Variants in FOXJ3 observed in about 807,000 individuals in gnomAD.
FOXJ3 encodes forkhead box protein J3.
A neutral mutation model predicts 76.1 loss-of-function variants in FOXJ3; 22 were observed. That is an observed-to-expected ratio of 0.29 (90% CI 0.21 to 0.41). The LOEUF is 0.41. Ranked by LOEUF, FOXJ3 falls within the 10% of genes least tolerant of loss-of-function variation. FOXJ3 has a pLI of 1.00. For synonymous variants in FOXJ3, 269 were observed against 261.2 expected, an observed-to-expected ratio of 1.03 and a Z score of -0.29; for missense variants, 613 against 762.1, an observed-to-expected ratio of 0.80 and a Z score of 2.30.
At chr1:42,184,580 G>A (rs900602989) in intron 11 of FOXJ3, among the ~76,000 whole-genome samples, 1 of 152,040 alleles carries the variant, frequency 6.6e-6, no homozygotes, top group Non-Finnish European at 1.5e-5. Flanking sequence ...ACTGCTCGAG[G>A]CACTATGGAT....
chr1:42,239,470 G>GA (rs1340365845), intron 4 of FOXJ3, among the ~76,000 whole-genome samples: 4 of 152,098 alleles, frequency 2.6e-5, no homozygotes, highest in Non-Finnish European at 5.9e-5. Flanking sequence ...GACATGGTAT[G>GA]ATTTTTTTTA....
chr1:42,227,091 TA>T (rs1358936424), intron 5 of FOXJ3, among the ~76,000 whole-genome samples: 1 of 152,184 alleles, frequency 6.6e-6, no homozygotes, highest in Admixed American at 6.5e-5. Flanking sequence ...GAGACAAATA[TA>T]AAAACAAATA....
At chr1:42,180,141 A>C (rs1646289020) in intron 12 of FOXJ3, among the ~76,000 whole-genome samples, 1 of 152,216 alleles carries the variant, frequency 6.6e-6, no homozygotes, top group South Asian at 2.1e-4. Flanking sequence ...CAATGTAGCC[A>C]CTGCTCTTAC....
At chr1:42,319,052 A>G (rs1342996162) in intron 1 of FOXJ3, among the ~76,000 whole-genome samples, 1 of 152,142 alleles carries the variant, frequency 6.6e-6, no homozygotes, top group Non-Finnish European at 1.5e-5. Context: ...GCAACATGGC[A>G]AGATCCCATC....
At chr1:42,309,306 G>A (rs560426120) in intron 2 of FOXJ3, among the ~76,000 whole-genome samples, 211 of 152,134 alleles carry the variant, frequency 1.4e-3, no homozygotes, top group African/African-American at 4.9e-3. Context: ...AACATACAAG[G>A]CAGCCTCCTG....
At chr1:42,192,576 T>C (rs1036795429) in intron 8 of FOXJ3, among the ~76,000 whole-genome samples, 4 of 152,212 alleles carry the variant, frequency 2.6e-5, no homozygotes, top group Admixed American at 2.0e-4. Context: ...GCTCTGTAAA[T>C]GTTAGCTGCC....
chr1:42,193,107 A>C (rs1339304675), intron 8 of FOXJ3, among the ~76,000 whole-genome samples: 2 of 152,180 alleles, frequency 1.3e-5, no homozygotes, highest in East Asian at 1.9e-4. Context: ...AAAGCAAAAT[A>C]TCTCTCCAGA....
intron 1 of FOXJ3, among the ~76,000 whole-genome samples, chr1:42,333,285 A>G (rs114818935): frequency 2.2e-3 from 330 of 152,336 alleles, no homozygotes; most frequent in Non-Finnish European, 3.9e-3. Context: ...AGAATGTACA[A>G]TGTGAAAAAG....
intron 3 of FOXJ3, among the ~76,000 whole-genome samples, chr1:42,270,158 T>G (rs552188091): frequency 6.6e-6 from 1 of 152,266 alleles, no homozygotes; most frequent in Admixed American, 6.5e-5. Context: ...GCCCCCAGCC[T>G]TACTCCATCT....
At position 42,299,507 on chromosome 1, in the gene FOXJ3, G is replaced by T. The variant is rs115209637; in HGVS notation, c.44+11543C>A. Reference sequence around the variant, plus strand: ...TAACTGTCTTTAACCAGTGTGTGTGGGGGGGTCTCTTGCTGGCAGCAGATG... The same window carrying T: ...TAACTGTCTTTAACCAGTGTGTGTGTGGGGGTCTCTTGCTGGCAGCAGATG... On this transcript the variant is annotated intron_variant, in intron 2 of 12. Coordinates refer to ENST00000361346, the MANE Select transcript of FOXJ3 (RefSeq NM_014947.5). 4.7e-3 allele frequency among the ~76,000 whole-genome samples: 705 copies of T among 150,530 alleles called. 2 individuals carry two copies. Among genetic ancestry groups the T allele is most frequent in the Admixed American group, 0.013 (201 of 15,134 alleles).
chr1:42,231,147 C>T (rs1265865018), intron 4 of FOXJ3, among the ~76,000 whole-genome samples: 1 of 101,012 alleles, frequency 9.9e-6, no homozygotes, highest in Non-Finnish European at 2.1e-5. Flanking sequence ...ACCCCCGTCT[C>T]TACTTAAAAA....
At chr1:42,326,325 T>G (rs1416265566) in intron 1 of FOXJ3, among the ~76,000 whole-genome samples, 1 of 152,198 alleles carries the variant, frequency 6.6e-6, no homozygotes, top group Non-Finnish European at 1.5e-5. Flanking sequence ...TACGTTTTCT[T>G]TGAGTACAAA....
intron 3 of FOXJ3, among the ~76,000 whole-genome samples, chr1:42,277,796 CAAAAAAAAAAAAAA>C (rs889209417): frequency 0.29 from 591 of 2,038 alleles, 113 homozygotes; most frequent in African/African-American, 0.46. Flanking sequence ...GACTCCGTCT[CAAAAAAAAAAAAAA>C]AAAAAAAAAA....
intron 4 of FOXJ3, among the ~76,000 whole-genome samples, chr1:42,231,905 G>C (rs186187866): frequency 6.6e-6 from 1 of 151,828 alleles, no homozygotes; most frequent in Admixed American, 6.6e-5. Flanking sequence ...CCATTAACTC[G>C]TCATTTAACA....
Position 42,297,991 on chromosome 1 carries a change from G to A in FOXJ3, c.44+13059C>T, listed in dbSNP as rs534080720. ...TGTGTCCCTACCCAAATCTCACCTC[G>A]TAGTTCCCCTAACTCCCATGTGTCA... is the stretch of plus-strand genomic sequence containing the variant. On this transcript the variant is annotated intron_variant, in intron 2 of 12. Transcript: ENST00000361346. 1.3e-4 allele frequency among the ~76,000 whole-genome samples: 20 copies of A among 152,062 alleles called. 1 individual carries two copies. In the South Asian group the frequency reaches 2.5e-3, roughly 19 times the overall value.
intron 3 of FOXJ3, among the ~76,000 whole-genome samples, chr1:42,274,657 C>G (rs1652121301): frequency 6.6e-6 from 1 of 152,076 alleles, no homozygotes; most frequent in Non-Finnish European, 1.5e-5. Flanking sequence ...AATGATGGCA[C>G]TTAGTATAGT....
At chr1:42,294,045 T>A (rs1352338220) in intron 2 of FOXJ3, among the ~76,000 whole-genome samples, 1 of 152,218 alleles carries the variant, frequency 6.6e-6, no homozygotes, top group Admixed American at 6.5e-5. Flanking sequence ...TATATATTTG[T>A]CAGATTGAAT....
At chr1:42,187,153 T>C (rs1300903775) in intron 11 of FOXJ3, among the ~76,000 whole-genome samples, 1 of 151,432 alleles carries the variant, frequency 6.6e-6, no homozygotes, top group East Asian at 1.9e-4. Context: ...TGGCCGAGAC[T>C]GCCTTCTTCT....
intron 4 of FOXJ3, 136 bp from the exon 5 acceptor site, chr1:42,228,102 GAACTGAGAAA>G (rs973988787): frequency 2.8e-4 from 118 of 419,232 alleles, no homozygotes; most frequent in Middle Eastern, 2.3e-3. Context: ...CACTTGTTTT[GAACTGAGAAA>G]AAGATTATAT....
Sources: allele counts gnomAD v4.1 joint callset (sites outside exome capture counted in the v4.1 genomes callset), GRCh38; gene constraint gnomAD v4.1.1; transcripts MANE v1.5; gene names NCBI Gene and HGNC (gene_info 2026-07-23, HGNC 2026-07-21).